The following PXDNL variants were observed in gnomAD, a reference collection of about 807,000 sequenced individuals.
The protein encoded by PXDNL is peroxidasin like.
PXDNL carries 145 observed loss-of-function variants against 150.8 expected under a neutral mutation model. The observed-to-expected ratio is 0.96, with a 90% CI of 0.84 to 1.10. The LOEUF is 1.10. PXDNL is among the 50% of genes least tolerant of loss of function. The pLI is 0.00. For missense variants in PXDNL, 2,087 were observed against 1,873.9 expected, an observed-to-expected ratio of 1.11 and a Z score of -2.10; for synonymous variants, 757 against 725.7, an observed-to-expected ratio of 1.04 and a Z score of -0.69.
intron 8 of PXDNL, among the ~76,000 whole-genome samples, chr8:51,470,520 A>G (rs1339985568): frequency 6.6e-6 from 1 of 152,166 alleles, no homozygotes; most frequent in African/African-American, 2.4e-5. Flanking sequence ...GGTAATTATC[A>G]TTACCATAAC....
At chr8:51,548,614 G>A (rs1812415131) in intron 4 of PXDNL, among the ~76,000 whole-genome samples, 4 of 152,120 alleles carry the variant, frequency 2.6e-5, no homozygotes, top group Admixed American at 1.3e-4. Flanking sequence ...GAGAGATAAA[G>A]TATAATTCAG....
At chr8:51,578,611 G>A (rs1813140676) in intron 3 of PXDNL, among the ~76,000 whole-genome samples, 2 of 151,654 alleles carry the variant, frequency 1.3e-5, no homozygotes, top group African/African-American at 4.8e-5. Flanking sequence ...TGTACATGTA[G>A]ACAAAATTAT....
chr8:51,785,046 C>CAAAT (rs2037448092), intron 1 of PXDNL, among the ~76,000 whole-genome samples: 1 of 152,112 alleles, frequency 6.6e-6, no homozygotes, highest in Non-Finnish European at 1.5e-5. Flanking sequence ...TTCTCTTAGG[C>CAAAT]AAATGGTCTT....
chr8:51,646,055 T>A (rs1364900676), intron 2 of PXDNL, among the ~76,000 whole-genome samples: 1 of 120,482 alleles, frequency 8.3e-6, no homozygotes, highest in Non-Finnish European at 1.8e-5. Context: ...TGTTATGGGA[T>A]GAACTGTGTT....
intron 4 of PXDNL, among the ~76,000 whole-genome samples, chr8:51,512,060 T>A (rs868777828): frequency 7.2e-5 from 11 of 152,112 alleles, no homozygotes; most frequent in African/African-American, 2.7e-4. Flanking sequence ...GCTCGACAGA[T>A]CAGACCGCTC....
chr8:51,799,533 G>A (rs73590437), intron 1 of PXDNL, among the ~76,000 whole-genome samples: 1 of 152,230 alleles, frequency 6.6e-6, no homozygotes, highest in Non-Finnish European at 1.5e-5. Context: ...CATGAGAGCT[G>A]TCTAGGATTC....
At chr8:51,674,525 A>G (rs1476494928) in intron 1 of PXDNL, among the ~76,000 whole-genome samples, 1 of 152,212 alleles carries the variant, frequency 6.6e-6, no homozygotes, top group Non-Finnish European at 1.5e-5. Context: ...ATAAGTGACT[A>G]TGATTGAGTT....
intron 4 of PXDNL, among the ~76,000 whole-genome samples, chr8:51,535,461 G>A (rs574067355): frequency 2.7e-5 from 3 of 110,430 alleles, no homozygotes; most frequent in East Asian, 2.6e-4. Flanking sequence ...GTCCACTCAG[G>A]GTTAAATGGA....
chr8:51,671,409 T>C (rs1031964208), intron 1 of PXDNL, among the ~76,000 whole-genome samples: 2 of 152,232 alleles, frequency 1.3e-5, no homozygotes, highest in Non-Finnish European at 2.9e-5. Flanking sequence ...TTTCTCCTTT[T>C]CTGATCTTCC....
At chr8:51,422,319 C>T (rs186789694) in intron 14 of PXDNL, among the ~76,000 whole-genome samples, 17 of 152,278 alleles carry the variant, frequency 1.1e-4, no homozygotes, top group African/African-American at 3.1e-4. Context: ...CTCCCCACCC[C>T]GGTCAGTGGA....
At chr8:51,640,110 T>G (rs1814712824) in intron 2 of PXDNL, among the ~76,000 whole-genome samples, 1 of 152,198 alleles carries the variant, frequency 6.6e-6, no homozygotes, top group Non-Finnish European at 1.5e-5. Context: ...AACCACATGA[T>G]TATCTCAATA....
chr8:51,779,771 G>T (rs1351747771), intron 1 of PXDNL, among the ~76,000 whole-genome samples: 1 of 152,232 alleles, frequency 6.6e-6, no homozygotes, highest in Non-Finnish European at 1.5e-5. Context: ...GACAATGATA[G>T]CAGCACAACT....
At chr8:51,386,718 G>A (rs774768550) in intron 17 of PXDNL, among the ~76,000 whole-genome samples, 3 of 151,854 alleles carry the variant, frequency 2.0e-5, no homozygotes, top group Non-Finnish European at 4.4e-5. Context: ...TAGGGAGGCT[G>A]AGGCAGAAAA....
intron 4 of PXDNL, among the ~76,000 whole-genome samples, chr8:51,543,247 T>TCA (rs1812261293): frequency 2.6e-5 from 4 of 152,194 alleles, no homozygotes; most frequent in African/African-American, 9.6e-5. Flanking sequence ...TTATGCCCGG[T>TCA]GATACTACTC....
At chr8:51,380,958 T>C (rs1807515051) in intron 17 of PXDNL, among the ~76,000 whole-genome samples, 2 of 152,204 alleles carry the variant, frequency 1.3e-5, no homozygotes, top group African/African-American at 2.4e-5. Flanking sequence ...CTTGGACTAA[T>C]TATATTACTG....
intron 21 of PXDNL, among the ~76,000 whole-genome samples, chr8:51,324,140 T>C (rs1257786967): frequency 6.6e-6 from 1 of 152,240 alleles, no homozygotes; most frequent in Non-Finnish European, 1.5e-5. Flanking sequence ...TTATGTTGTA[T>C]CCTGTAACCT....
intron 1 of PXDNL, among the ~76,000 whole-genome samples, chr8:51,760,960 G>A (rs751685600): frequency 5.3e-4 from 71 of 134,060 alleles, no homozygotes; most frequent in Admixed American, 1.7e-3. Context: ...CCGGGTTCAC[G>A]CCATTCTCCT....
intron 1 of PXDNL, among the ~76,000 whole-genome samples, chr8:51,687,248 C>A (rs2130856941): frequency 6.6e-6 from 1 of 152,266 alleles, no homozygotes; most frequent in African/African-American, 2.4e-5. Context: ...CAGAAATTGT[C>A]AACCACCCTT....
At chr8:51,733,437 C>T (rs557071210) in intron 1 of PXDNL, among the ~76,000 whole-genome samples, 1 of 152,102 alleles carries the variant, frequency 6.6e-6, no homozygotes, top group East Asian at 1.9e-4. Flanking sequence ...ATATTCTTGC[C>T]ATTTCTTGGT....
Sources: gnomAD v4.1 joint callset for allele counts (sites outside exome capture counted in the v4.1 genomes callset) on GRCh38, gnomAD v4.1.1 for gene constraint, MANE v1.5 for transcripts, NCBI Gene and HGNC (gene_info 2026-07-23, HGNC 2026-07-21) for gene names.